The following FNIP2 variants were observed in gnomAD, a reference collection of about 807,000 sequenced individuals.
FNIP2 encodes folliculin interacting protein 2, also known as folliculin-interacting protein 2.
Under a neutral mutation model 108.7 loss-of-function variants are expected in FNIP2, and 32 were observed. That is an observed-to-expected ratio of 0.29 (90% confidence interval 0.22 to 0.40). FNIP2 has a LOEUF of 0.40. Among genes scored for constraint, FNIP2 ranks in the 10% least tolerant of loss-of-function variants. The pLI, the probability that FNIP2 is intolerant of heterozygous loss-of-function variation, is 1.00. For missense variants in FNIP2, 1,202 were observed against 1,381.6 expected (o/e 0.87, Z 2.06); for synonymous variants, 480 against 496.7 (o/e 0.97, Z 0.45).
intron 1 of FNIP2, among the ~76,000 whole-genome samples, chr4:158,824,151 A>C (rs143260941): frequency 6.6e-6 from 1 of 152,270 alleles, no homozygotes; most frequent in Non-Finnish European, 1.5e-5. Context: ...TTTAAAAATC[A>C]TAACATTACC....
At chr4:158,842,015 C>G (rs1018470523) in intron 7 of FNIP2, among the ~76,000 whole-genome samples, 1 of 152,252 alleles carries the variant, frequency 6.6e-6, no homozygotes, top group African/African-American at 2.4e-5. Context: ...GAATCTTGGC[C>G]TTGGCCTTAG....
intron 16 of FNIP2, among the ~76,000 whole-genome samples, chr4:158,899,998 C>T (rs1369184555): frequency 6.6e-6 from 1 of 152,088 alleles, no homozygotes; most frequent in East Asian, 1.9e-4. Flanking sequence ...CTATAAATTT[C>T]CCTCTAAACA....
chr4:158,781,656 A>G (rs1170213017), intron 1 of FNIP2, among the ~76,000 whole-genome samples: 1 of 152,110 alleles, frequency 6.6e-6, no homozygotes, highest in Non-Finnish European at 1.5e-5. Flanking sequence ...CTGGGACTAC[A>G]GGCGCATGCC....
chr4:158,830,274 G>A (rs1417269024), intron 3 of FNIP2, among the ~76,000 whole-genome samples: 1 of 44,410 alleles, frequency 2.3e-5, no homozygotes, highest in Non-Finnish European at 4.3e-5. Flanking sequence ...TTTTTTTTTT[G>A]AGACGGAGTC....
intron 7 of FNIP2, among the ~76,000 whole-genome samples, chr4:158,843,826 G>T (rs930212859): frequency 1.3e-5 from 2 of 152,202 alleles, no homozygotes; most frequent in Non-Finnish European, 2.9e-5. Flanking sequence ...AATGGCTGCT[G>T]AAGACAGAGA....
At position 158,829,182 on chromosome 4, in the gene FNIP2, G is replaced by C. The variant is rs749998091; in HGVS notation, c.338G>C (p.Gly113Ala). ...AGCATCTCTTCCCACAGTTCTTCTGGGGGATCTTCACATCATGCTAAGGAA... is the reference window on the plus strand; with the variant it reads ...AGCATCTCTTCCCACAGTTCTTCTGCGGGATCTTCACATCATGCTAAGGAA... ...SSSISSHSSS[G>A]GSSHHAKEQL... The change falls in exon 3 of 17, where the codon GGG becomes GCG. Residue 113 changes from glycine to alanine, a missense_variant. Gly to Ala is a moderately conservative substitution (Grantham distance 60). Around this residue, in one of 5 missense-constraint regions of FNIP2, gnomAD observed 173 missense variants for 165.9 expected, o/e 1.04. Coordinates refer to ENST00000264433, the MANE Select transcript of FNIP2 (RefSeq NM_020840.3). 6.2e-7 allele frequency: 1 copy of C among 1,612,624 alleles called. No individual in the cohort carries two copies. The highest frequency in any genetic ancestry group is 8.5e-7 in the Non-Finnish European group (1 of 1,179,292).
chr4:158,861,552 A>T, intron 11 of FNIP2, 55 bp from the exon 12 acceptor site: 1 of 1,613,656 alleles, frequency 6.2e-7, no homozygotes, highest in East Asian at 2.2e-5. Context: ...ACTGCATAGG[A>T]TGTGCCTCTT....
At chr4:158,883,083 T>C (rs1273715509) in intron 14 of FNIP2, among the ~76,000 whole-genome samples, 1 of 149,284 alleles carries the variant, frequency 6.7e-6, no homozygotes, top group Admixed American at 6.7e-5. Context: ...AAAAATAAAA[T>C]AAATAAATAA....
intron 14 of FNIP2, chr4:158,871,333 G>T (rs185756855): frequency 2.7e-4 from 259 of 947,740 alleles, no homozygotes; most frequent in Admixed American, 7.4e-4. Context: ...TGTATCTTGT[G>T]CAATAGGGAA....
chr4:158,891,061 T>C (rs1242295134), intron 14 of FNIP2, among the ~76,000 whole-genome samples: 2 of 152,122 alleles, frequency 1.3e-5, no homozygotes, highest in East Asian at 1.9e-4. Context: ...CACCCCAGGA[T>C]AGTAGAAAGG....
intron 14 of FNIP2, among the ~76,000 whole-genome samples, chr4:158,877,883 T>C (rs62354039): frequency 0.046 from 6,946 of 152,098 alleles, 218 homozygotes; most frequent in Non-Finnish European, 0.068. Context: ...GAAGCTGCAG[T>C]AAGCTATGAT....
intron 7 of FNIP2, among the ~76,000 whole-genome samples, chr4:158,846,233 T>C (rs1779392881): frequency 6.6e-6 from 1 of 152,230 alleles, no homozygotes; most frequent in African/African-American, 2.4e-5. Flanking sequence ...TTTTACATCA[T>C]GATCTAGTAA....
chr4:158,809,530 A>T (rs1229549609), intron 1 of FNIP2, among the ~76,000 whole-genome samples: 1 of 152,202 alleles, frequency 6.6e-6, no homozygotes, highest in Non-Finnish European at 1.5e-5. Flanking sequence ...AATTGCTTTC[A>T]ATCCTCTTTC....
chr4:158,840,540 C>G (rs1018988665), intron 7 of FNIP2, among the ~76,000 whole-genome samples: 2 of 152,202 alleles, frequency 1.3e-5, no homozygotes, highest in Middle Eastern at 3.4e-3. Context: ...AAATCACAGG[C>G]GCACACCACC....
chr4:158,771,129 C>T lies in FNIP2; in HGVS notation c.107+1810C>T, dbSNP rs1775685372. ...TGCCAAGTACGGTCTTTTTTTTGAC[C>T]TCATTGGGATTTTCTACAAGAATTT... On this transcript the variant is annotated intron_variant, in intron 1 of 16. Transcript: ENST00000264433. 5.9e-5 allele frequency among the ~76,000 whole-genome samples: 9 copies of T among 151,916 alleles called. No individual in the cohort carries two copies. In the South Asian group the frequency reaches 1.7e-3, roughly 28 times the overall value.
chr4:158,800,380 A>G (rs965437514), intron 1 of FNIP2, among the ~76,000 whole-genome samples: 2 of 152,216 alleles, frequency 1.3e-5, no homozygotes, highest in East Asian at 1.9e-4. Flanking sequence ...GTTTTTATAA[A>G]TATTAATGAT....
chr4:158,833,781 C>A, intron 6 of FNIP2, 153 bp downstream of exon 6: 1 of 1,516,616 alleles, frequency 6.6e-7, no homozygotes, highest in Non-Finnish European at 8.8e-7. Context: ...TTGCCCTCTT[C>A]TATGTGTTTC....
At position 158,866,646 on chromosome 4, in the gene FNIP2, G is replaced by A. The variant is rs115738940; in HGVS notation, c.1466-1456G>A. 8.8e-3 allele frequency among the ~76,000 whole-genome samples: 1,338 copies of A among 151,998 alleles called. 7 individuals are homozygous for A. The highest frequency in any genetic ancestry group is 0.014 in the Non-Finnish European group (959 of 67,986). On this transcript the variant is annotated intron_variant, in intron 12 of 16. Coordinates refer to ENST00000264433, the MANE Select transcript of FNIP2 (RefSeq NM_020840.3). The stretch of plus-strand genomic sequence containing the variant: ...GCTGGAGTGCGGTGGCGACACCTTG[G>A]CTCTCTGCAATGTCTGCCTCCCGGG...
intron 1 of FNIP2, among the ~76,000 whole-genome samples, chr4:158,815,543 C>T (rs1345401973): frequency 6.6e-6 from 1 of 152,022 alleles, no homozygotes; most frequent in Non-Finnish European, 1.5e-5. Flanking sequence ...CCACCACGCC[C>T]AGCTAATTTG....
Sources: allele counts gnomAD v4.1 joint callset (sites outside exome capture counted in the v4.1 genomes callset), GRCh38; gene constraint gnomAD v4.1.1; regional missense constraint gnomAD v4.1.1; transcripts MANE v1.5; gene names NCBI Gene and HGNC (gene_info 2026-07-23, HGNC 2026-07-21).